The following ONECUT2 variants were observed in gnomAD, a reference collection of about 807,000 sequenced individuals.
The protein encoded by ONECUT2 is one cut homeobox 2, also known as one cut domain family member 2.
ONECUT2 carries 10 observed loss-of-function variants against 27.9 expected under a neutral mutation model. The ratio of observed to expected loss-of-function variants is 0.36; its 90% CI spans 0.22 to 0.61. ONECUT2 has a LOEUF of 0.61. Ranked by LOEUF, ONECUT2 falls within the 20% of genes least tolerant of loss-of-function variation. The pLI is 0.73. For synonymous variants in ONECUT2, 334 were observed against 315.1 expected, an observed-to-expected ratio of 1.06 and a Z score of -0.64; for missense variants, 686 against 721.0, an observed-to-expected ratio of 0.95 and a Z score of 0.56.
Position 57,435,440 on chromosome 18 carries a change from T to C in ONECUT2, c.-277T>C, listed in dbSNP as rs1422756790. Among the ~76,000 whole-genome samples the C allele has an allele frequency of 5.9e-5, 9 of 151,312 alleles. No individual in the cohort carries two copies. Among genetic ancestry groups the C allele is most frequent in the Non-Finnish European group, 4.4e-5 (3 of 67,778 alleles). ...GTCGGCGCCGGAGCGGGCTCGGACA[T>C]GGCGAGGCTGCGAGCCGGCCCGAGC... On this transcript the variant is annotated 5_prime_UTR_variant, in exon 1 of 2. An upstream start codon of the reference 5' UTR is lost. Coordinates refer to ENST00000491143, the MANE Select transcript of ONECUT2 (RefSeq NM_004852.3).
chr18:57,444,528 C>G (rs781527406), intron 1 of ONECUT2: 9 of 437,350 alleles, frequency 2.1e-5, no homozygotes, highest in African/African-American at 1.8e-4. Context: ...TGCCCTACTG[C>G]GTCCTCCTGG....
intron 1 of ONECUT2, among the ~76,000 whole-genome samples, chr18:57,444,875 G>T (rs1001593802): frequency 1.3e-5 from 2 of 152,148 alleles, no homozygotes; most frequent in African/African-American, 2.4e-5. Context: ...AAATGGGAAG[G>T]GGGGTGGGAA....
At chr18:57,468,578 A>G (rs1211259355) in intron 1 of ONECUT2, among the ~76,000 whole-genome samples, 3 of 152,220 alleles carry the variant, frequency 2.0e-5, no homozygotes, top group East Asian at 1.9e-4. Flanking sequence ...CCATCCATCA[A>G]GGCCTGGCTC....
chr18:57,438,062 C>G (rs1185836535), intron 1 of ONECUT2, among the ~76,000 whole-genome samples: 1 of 152,252 alleles, frequency 6.6e-6, no homozygotes, highest in Non-Finnish European at 1.5e-5. Context: ...CTCTATTGTT[C>G]TAGGAGCACA....
intron 1 of ONECUT2, among the ~76,000 whole-genome samples, chr18:57,445,620 T>G (rs934536401): frequency 2.6e-5 from 4 of 152,196 alleles, no homozygotes; most frequent in Admixed American, 2.6e-4. Flanking sequence ...GCTAATGTAT[T>G]TATCTGCTGA....
chr18:57,435,762 G>C lies in ONECUT2; in HGVS notation c.46G>C (p.Glu16Gln). 7.9e-7 allele frequency: 1 copy of C among 1,269,418 alleles called. No homozygotes were observed. Among genetic ancestry groups the C allele is most frequent in the Non-Finnish European group, 1.0e-6 (1 of 972,990 alleles). The allele number at this position is 1,269,418 out of a possible 1,614,324, so 78.6% of individuals were successfully genotyped here. ...TAYRCLTKDL[E>Q]GCAMNPELTM... is the part of the protein sequence containing the mutation. The stretch of plus-strand genomic sequence containing the variant: ...CTATCGATGCCTCACCAAAGACCTA[G>C]AAGGCTGCGCCATGAACCCGGAGCT... The change falls in exon 1 of 2, where the codon GAA becomes CAA. Residue 16 changes from glutamate to glutamine, a missense_variant. Around this residue, in one of 4 missense-constraint regions of ONECUT2, gnomAD observed 511 missense variants for 488.1 expected, o/e 1.05. Transcript: ENST00000491143.
At chr18:57,447,559 T>TG (rs1568119460) in intron 1 of ONECUT2, among the ~76,000 whole-genome samples, 1 of 152,174 alleles carries the variant, frequency 6.6e-6, no homozygotes, top group Admixed American at 6.5e-5. Context: ...TTACCACCGC[T>TG]GGGGGGCGGG....
chr18:57,453,008 C>G (rs1010176018), intron 1 of ONECUT2, among the ~76,000 whole-genome samples: 3 of 152,184 alleles, frequency 2.0e-5, no homozygotes, highest in African/African-American at 7.2e-5. Flanking sequence ...AACTTAGGTT[C>G]TACATCTGGA....
At chr18:57,437,064 A>T in intron 1 of ONECUT2, 120 bp downstream of exon 1, 2 of 1,428,440 alleles carry the variant, frequency 1.4e-6, no homozygotes, top group East Asian at 5.0e-5. Flanking sequence ...TTTCCTATAC[A>T]CGTCCTCTTT....
intron 1 of ONECUT2, among the ~76,000 whole-genome samples, chr18:57,452,922 A>G (rs1471312379): frequency 6.6e-6 from 1 of 152,208 alleles, no homozygotes; most frequent in African/African-American, 2.4e-5. Flanking sequence ...ATGAATAAAG[A>G]AGCAAGTTGG....
chr18:57,455,568 G>C (rs1201307670), intron 1 of ONECUT2, among the ~76,000 whole-genome samples: 5 of 152,170 alleles, frequency 3.3e-5, no homozygotes. Context: ...TGATCTGCAT[G>C]TGGTCATCCT....
chr18:57,464,197 T>C (rs1474088586), intron 1 of ONECUT2, among the ~76,000 whole-genome samples: 5 of 152,212 alleles, frequency 3.3e-5, no homozygotes, highest in Non-Finnish European at 5.9e-5. Flanking sequence ...GTGGTTGTAA[T>C]AATTAAATGA....
chr18:57,464,937 A>C (rs916114332), intron 1 of ONECUT2, among the ~76,000 whole-genome samples: 1 of 152,178 alleles, frequency 6.6e-6, no homozygotes, highest in Non-Finnish European at 1.5e-5. Flanking sequence ...TTTTCATAGA[A>C]AATTTTCATA....
rs777426158 is a variant in ONECUT2, at chr18:57,436,330, C to T, written c.614C>T (p.Pro205Leu). The change falls in exon 1 of 2, where the codon CCG (proline) becomes CTG (leucine). Residue 205 changes from proline (P) to leucine (L), a missense_variant. By Grantham distance (98) the Pro-to-Leu change is moderately conservative. Around this residue, in one of 4 missense-constraint regions of ONECUT2, gnomAD observed 511 missense variants for 488.1 expected, o/e 1.05. Coordinates refer to ENST00000491143, the MANE Select transcript of ONECUT2 (RefSeq NM_004852.3). This position sits in a 1 kb window ranked among gnomAD's most constrained non-coding sequence, Gnocchi z 5.9. Reference sequence around the variant, plus strand: ...CTCATGCGCGACGAGCGCGGGCTCCCGGCCATGAACAACCTCTACAGTCCC... The same window carrying T: ...CTCATGCGCGACGAGCGCGGGCTCCTGGCCATGAACAACCTCTACAGTCCC... ...FTLMRDERGL[P>L]AMNNLYSPYK... The T allele has an allele frequency of 6.2e-7, 1 of 1,604,896 alleles. No individual in the cohort carries two copies. Among genetic ancestry groups the T allele is most frequent in the Non-Finnish European group, 8.5e-7 (1 of 1,179,806 alleles).
chr18:57,469,967 C>T (rs1371151542), intron 1 of ONECUT2, among the ~76,000 whole-genome samples: 1 of 152,228 alleles, frequency 6.6e-6, no homozygotes, highest in Admixed American at 6.5e-5. Context: ...ACATTTGACT[C>T]ACCCCTGGGC....
intron 1 of ONECUT2, among the ~76,000 whole-genome samples, chr18:57,466,440 G>A (rs1486161699): frequency 6.6e-6 from 1 of 152,206 alleles, no homozygotes; most frequent in Non-Finnish European, 1.5e-5. Context: ...TGAAGAAGCT[G>A]CCCCATGCTC....
chr18:57,436,349 C>T lies in ONECUT2; in HGVS notation c.633C>T (p.Tyr211=). The part of the protein sequence containing the change: ...ERGLPAMNNL[Y]SPYKEMPGMS... ...GGCTCCCGGCCATGAACAACCTCTA[C>T]AGTCCCTACAAGGAGATGCCCGGCA... The change falls in exon 1 of 2, where the codon TAC becomes TAT. Residue 211 remains tyrosine (Y), a synonymous_variant. Transcript: ENST00000491143. This position sits in a 1 kb window ranked among gnomAD's most constrained non-coding sequence, Gnocchi z 5.9. The T allele has an allele frequency of 2.5e-6, 4 of 1,606,254 alleles. No individual in the cohort carries two copies. The highest frequency in any genetic ancestry group is 1.1e-5 in the South Asian group (1 of 91,060).
rs967212870 is a variant in ONECUT2, at chr18:57,480,702, A to T, written c.*3979A>T. ...TATTTACATACATATATAAATATAT[A>T]TGTGTATCTATACAGTTATGTATCA... On this transcript the variant is annotated 3_prime_UTR_variant, in exon 2 of 2. Coordinates refer to ENST00000491143, the MANE Select transcript of ONECUT2 (RefSeq NM_004852.3). 2.0e-5 allele frequency: 3 copies of T among 152,178 alleles called. No homozygotes were observed. Among genetic ancestry groups the T allele is most frequent in the Admixed American group, 2.0e-4 (3 of 15,280 alleles). The allele number at this position is 152,178 out of a possible 1,614,324, so 9.4% of individuals were successfully genotyped here. A position where few individuals can be genotyped will look rare whatever the true frequency, so the allele number is the denominator to read the frequency against.
At chr18:57,470,658 C>A (rs2050348098) in intron 1 of ONECUT2, among the ~76,000 whole-genome samples, 1 of 152,152 alleles carries the variant, frequency 6.6e-6, no homozygotes, top group Non-Finnish European at 1.5e-5. Flanking sequence ...GAGCTAACAC[C>A]ACTGCACCTG....
Sources: gnomAD v4.1 joint callset for allele counts (sites outside exome capture counted in the v4.1 genomes callset) on GRCh38, gnomAD v4.1.1 for gene constraint, gnomAD v4.1.1 regional missense constraint, Gnocchi (gnomAD v3.1) non-coding constraint, MANE v1.5 for transcripts, NCBI Gene and HGNC (gene_info 2026-07-23, HGNC 2026-07-21) for gene names.